The following PPA2 variants were observed in gnomAD, a reference collection of about 807,000 sequenced individuals.
PPA2 encodes inorganic pyrophosphatase 2.
In PPA2, 48 loss-of-function variants were observed where a neutral mutation model predicts 49.5. The ratio of observed to expected loss-of-function variants is 0.97; its 90% confidence interval spans 0.77 to 1.23. The LOEUF (loss-of-function observed/expected upper bound fraction) is 1.23. Ranked by LOEUF, PPA2 falls within the 50% of genes most tolerant of loss-of-function variation. PPA2 has a pLI of 0.00. For missense variants in PPA2, 429 were observed against 410.1 expected (o/e 1.05, Z -0.40); for synonymous variants, 131 against 139.9 (o/e 0.94, Z 0.45).
In PPA2 at chr4:105,425,377, A is replaced by T. The variant is rs561537244; in HGVS notation, c.529-1055T>A. On this transcript the variant is annotated intron_variant, in intron 6 of 11. Transcript: ENST00000341695. ...ATATGGAAGAGAGAAATAGAAAACAAAAAAAACCAAATAGAACTTTAAGAG... is the reference window on the plus strand; with the variant it reads ...ATATGGAAGAGAGAAATAGAAAACATAAAAAACCAAATAGAACTTTAAGAG... 3.0e-3 allele frequency among the ~76,000 whole-genome samples: 463 copies of T among 152,270 alleles called. 2 individuals are homozygous for T. The highest frequency in any genetic ancestry group is 0.01 in the African/African-American group (436 of 41,574).
chr4:105,435,353 GA>G (rs1723999970), intron 6 of PPA2, among the ~76,000 whole-genome samples: 2 of 152,172 alleles, frequency 1.3e-5, no homozygotes, highest in Non-Finnish European at 2.9e-5. Context: ...GTGAATTCAT[GA>G]ATTGTTCCAT....
At chr4:105,448,277 G>C (rs1358434565) in intron 4 of PPA2, among the ~76,000 whole-genome samples, 3 of 152,062 alleles carry the variant, frequency 2.0e-5, no homozygotes, top group African/African-American at 7.2e-5. Flanking sequence ...TCCTACTAAA[G>C]TGTTAACAAA....
In PPA2 at chr4:105,446,596, C is replaced by T. The variant is rs548769196; in HGVS notation, c.322-94G>A. ...CTTTTAAAAATCTGCTATTTTCAGA[C>T]TAAACATTCATATTTCAACTTAATG... On this transcript the variant is annotated intron_variant, in intron 4 of 11. Transcript: ENST00000341695. 5 of 1,360,710 alleles carry T rather than the reference C, an allele frequency of 3.7e-6. No homozygotes were observed. The South Asian group carries it at 4.2e-5, about 11-fold the overall frequency. 84.3% of individuals were successfully genotyped at this position (1,360,710 alleles called of 1,614,324 possible).
At chr4:105,397,154 T>C (rs1423781406) in intron 8 of PPA2, among the ~76,000 whole-genome samples, 5 of 152,188 alleles carry the variant, frequency 3.3e-5, no homozygotes, top group Non-Finnish European at 1.5e-5. Context: ...TACTGGTTAG[T>C]TCAAAGTAGC....
chr4:105,382,690 T>TA (rs1404603475), intron 10 of PPA2, among the ~76,000 whole-genome samples: 5 of 151,872 alleles, frequency 3.3e-5, no homozygotes, highest in African/African-American at 9.7e-5. Context: ...GTTAAAAAAA[T>TA]AAAAAAACTT....
intron 6 of PPA2, among the ~76,000 whole-genome samples, chr4:105,426,398 C>A (rs569256855): frequency 3.3e-5 from 5 of 152,198 alleles, no homozygotes; most frequent in African/African-American, 1.2e-4. Flanking sequence ...ACCCAGGAAG[C>A]GCCAGGGGTC....
intron 1 of PPA2, among the ~76,000 whole-genome samples, chr4:105,462,368 T>C (rs946597381): frequency 6.6e-6 from 1 of 152,242 alleles, no homozygotes; most frequent in Non-Finnish European, 1.5e-5. Flanking sequence ...ATTTGCTTTT[T>C]AAAACATCTA....
At chr4:105,469,050 C>T (rs1723421451) in intron 1 of PPA2, among the ~76,000 whole-genome samples, 1 of 152,156 alleles carries the variant, frequency 6.6e-6, no homozygotes, top group Non-Finnish European at 1.5e-5. Context: ...ATCTTTTATA[C>T]ATATTTCAAA....
Position 105,424,255 on chromosome 4 carries a change from T to C in PPA2, c.596A>G (p.Glu199Gly). The change falls in exon 7 of 12, where the codon GAA (glutamate) becomes GGA (glycine). Residue 199 changes from glutamate (E) to glycine (G), a missense_variant. Coordinates refer to ENST00000341695, the MANE Select transcript of PPA2 (RefSeq NM_176869.3). The part of the protein sequence containing the change: ...LGILALIDEG[E>G]TDWKLIAINA... ...GATAGCAATTAATTTCCAATCTGTTTCACCTTCATCAATAAGAGCCAAAAT... is the reference window on the plus strand; with the variant it reads ...GATAGCAATTAATTTCCAATCTGTTCCACCTTCATCAATAAGAGCCAAAAT... 6.2e-7 allele frequency: 1 copy of C among 1,608,816 alleles called. No homozygotes were observed.
At chr4:105,419,354 G>C (rs796733679) in intron 7 of PPA2, among the ~76,000 whole-genome samples, 1 of 152,010 alleles carries the variant, frequency 6.6e-6, no homozygotes, top group Admixed American at 6.6e-5. Context: ...TCCCCATCCT[G>C]TGTCCATGTA....
chr4:105,414,003 AG>A (rs1722882640), intron 7 of PPA2, among the ~76,000 whole-genome samples: 1 of 152,244 alleles, frequency 6.6e-6, no homozygotes, highest in South Asian at 2.1e-4. Context: ...GTATACCAAA[AG>A]AATGTCAACC....
chr4:105,432,659 G>A (rs982389266), intron 6 of PPA2, among the ~76,000 whole-genome samples: 1 of 152,186 alleles, frequency 6.6e-6, no homozygotes, highest in Admixed American at 6.5e-5. Flanking sequence ...AGCCCAGGAT[G>A]GCTTTCAATG....
chr4:105,390,480 T>C (rs970424859), intron 9 of PPA2, among the ~76,000 whole-genome samples: 2 of 150,488 alleles, frequency 1.3e-5, no homozygotes, highest in African/African-American at 4.9e-5. Context: ...AAAAAACCCA[T>C]CAAAAAGTGG....
chr4:105,372,951 T>C (rs1733086656), intron 10 of PPA2, among the ~76,000 whole-genome samples: 1 of 152,228 alleles, frequency 6.6e-6, no homozygotes, highest in Non-Finnish European at 1.5e-5. Context: ...TTATTTTCTT[T>C]ATATCAAAGA....
chr4:105,456,398 AC>A (rs1722877163), intron 2 of PPA2: 1 of 424,844 alleles, frequency 2.4e-6, no homozygotes, highest in Non-Finnish European at 4.4e-6. Flanking sequence ...TTGTAAATAA[AC>A]CTCTTGGTAA....
intron 6 of PPA2, among the ~76,000 whole-genome samples, chr4:105,428,076 AG>A (rs1264515454): frequency 6.6e-6 from 1 of 152,214 alleles, no homozygotes; most frequent in East Asian, 1.9e-4. Context: ...TTTTCAACCC[AG>A]AATGTCATAT....
rs140016315 is a variant in PPA2, at chr4:105,407,984, C to A, written c.656-8820G>T. The stretch of plus-strand genomic sequence containing the variant: ...GATACTTAAAATGGGGTGAATTTGA[C>A]TGGATGTAATTTATACCTCAAAGTG... On this transcript the variant is annotated intron_variant, in intron 7 of 11. Transcript: ENST00000341695. Among the ~76,000 whole-genome samples the A allele has an allele frequency of 2.5e-3, 384 of 152,196 alleles. 2 individuals carry two copies. Among genetic ancestry groups the A allele is most frequent in the African/African-American group, 9.0e-3 (372 of 41,510 alleles).
At chr4:105,452,411 G>A (rs1483158144) in intron 3 of PPA2, among the ~76,000 whole-genome samples, 1 of 152,108 alleles carries the variant, frequency 6.6e-6, no homozygotes, top group Non-Finnish European at 1.5e-5. Flanking sequence ...TCACGTTTAG[G>A]ATGCACCTAG....
intron 1 of PPA2, among the ~76,000 whole-genome samples, chr4:105,462,386 G>A (rs778246837): frequency 6.6e-6 from 1 of 152,206 alleles, no homozygotes; most frequent in Non-Finnish European, 1.5e-5. Flanking sequence ...CTATTTTGCT[G>A]TTGTTAAGCC....
Sources: allele counts gnomAD v4.1 joint callset (sites outside exome capture counted in the v4.1 genomes callset), GRCh38; gene constraint gnomAD v4.1.1; transcripts MANE v1.5; gene names NCBI Gene and HGNC (gene_info 2026-07-23, HGNC 2026-07-21).